The following GPR158 variants were observed in gnomAD, a reference collection of about 807,000 sequenced individuals.
The protein encoded by GPR158 is G protein-coupled receptor 158.
A neutral mutation model predicts 78.2 loss-of-function variants in GPR158; 30 were observed. That is an observed-to-expected ratio of 0.38 (90% CI 0.29 to 0.52). GPR158 has a LOEUF of 0.52. GPR158 is among the 20% of genes least tolerant of loss of function. The pLI is 0.83. For missense variants in GPR158, 1,463 were observed against 1,523.5 expected (o/e 0.96, Z 0.66); for synonymous variants, 581 against 591.1 (o/e 0.98, Z 0.25).
At chr10:25,191,698 A>C (rs1028637424) in intron 1 of GPR158, among the ~76,000 whole-genome samples, 2 of 152,216 alleles carry the variant, frequency 1.3e-5, no homozygotes, top group Non-Finnish European at 2.9e-5. Flanking sequence ...ATTTGGTTAC[A>C]GGCCATTCTG....
In GPR158 at chr10:25,495,295, C is replaced by CTTTTTTTTTTTTTTTT. The variant is rs71399976; in HGVS notation, c.1404+28581_1404+28596dup. Among the ~76,000 whole-genome samples, 57 of 91,090 alleles carry CTTTTTTTTTTTTTTTT rather than the reference C, an allele frequency of 6.3e-4. 2 individuals are homozygous for CTTTTTTTTTTTTTTTT. The highest frequency in any genetic ancestry group is 8.7e-4 in the South Asian group (2 of 2,294). 59.8% of individuals were successfully genotyped at this position (91,090 alleles called of 152,430 possible). A position where few individuals can be genotyped will look rare whatever the true frequency, so the allele number is the denominator to read the frequency against. On this transcript the variant is annotated intron_variant, in intron 5 of 10. Transcript: ENST00000376351. ...TATTTTAAGCTATCATTCTTTTCTG[C>CTTTTTTTTTTTTTTTT]TTTTTTTTTTTTTTTTTTTTGAGAC...
chr10:25,542,901 A>G (rs894826523), intron 5 of GPR158, among the ~76,000 whole-genome samples: 1 of 150,998 alleles, frequency 6.6e-6, no homozygotes, highest in African/African-American at 2.4e-5. Context: ...ATATTTCTCT[A>G]TTTCTCCCCT....
At chr10:25,515,739 T>C (rs1320044245) in intron 5 of GPR158, among the ~76,000 whole-genome samples, 2 of 147,474 alleles carry the variant, frequency 1.4e-5, no homozygotes, top group African/African-American at 5.0e-5. Context: ...ATGGTGTATA[T>C]GTGCCACATT....
chr10:25,570,821 GCAGGAGAATAATCGCTTGAACC>G (rs1836995981), intron 6 of GPR158, among the ~76,000 whole-genome samples: 1 of 152,116 alleles, frequency 6.6e-6, no homozygotes, highest in Admixed American at 6.6e-5. Context: ...GGAGGCTGAG[GCAGGAGAATAATCGCTTGAACC>G]CAGGAGGTGG....
At chr10:25,385,276 G>A (rs1423029102) in intron 2 of GPR158, among the ~76,000 whole-genome samples, 1 of 152,146 alleles carries the variant, frequency 6.6e-6, no homozygotes, top group African/African-American at 2.4e-5. Context: ...GTTCAACCAT[G>A]TTGAAGCAGA....
chr10:25,487,611 T>C (rs1210311020), intron 5 of GPR158, among the ~76,000 whole-genome samples: 1 of 152,144 alleles, frequency 6.6e-6, no homozygotes, highest in East Asian at 1.9e-4. Context: ...TCATTTCACC[T>C]CTTTGGACCT....
intron 2 of GPR158, among the ~76,000 whole-genome samples, chr10:25,279,472 C>G (rs1702240123): frequency 6.6e-6 from 1 of 151,308 alleles, no homozygotes; most frequent in African/African-American, 2.4e-5. Flanking sequence ...GAGCCCTGAA[C>G]AAAGAATCAA....
At chr10:25,283,436 T>C (rs1016701124) in intron 2 of GPR158, among the ~76,000 whole-genome samples, 1 of 152,040 alleles carries the variant, frequency 6.6e-6, no homozygotes, top group Non-Finnish European at 1.5e-5. Flanking sequence ...TGCAAATTCT[T>C]TTTTGTGAAA....
At chr10:25,323,427 A>G (rs1034736700) in intron 2 of GPR158, among the ~76,000 whole-genome samples, 2 of 152,146 alleles carry the variant, frequency 1.3e-5, no homozygotes, top group African/African-American at 4.8e-5. Context: ...CTCTCTAGCT[A>G]TGAAAGGCCC....
intron 6 of GPR158, 73 bp from the exon 7 acceptor site, chr10:25,572,576 A>AAAAT (rs1003610663): frequency 1.5e-5 from 15 of 996,576 alleles, no homozygotes; most frequent in Non-Finnish European, 2.4e-5. Context: ...TTTACCTAGA[A>AAAAT]AAATAAGTTA....
intron 2 of GPR158, among the ~76,000 whole-genome samples, chr10:25,316,806 C>A (rs1242696962): frequency 6.6e-6 from 1 of 151,802 alleles, no homozygotes; most frequent in Non-Finnish European, 1.5e-5. Context: ...TGTCTCAGCA[C>A]ACAGTTTGGG....
At chr10:25,357,991 A>T (rs34823294) in intron 2 of GPR158, among the ~76,000 whole-genome samples, 1 of 152,036 alleles carries the variant, frequency 6.6e-6, no homozygotes, top group Non-Finnish European at 1.5e-5. Flanking sequence ...ACCATGGGAA[A>T]CCAGCTCTTG....
rs371211813 is a variant in GPR158 at position 25,470,522 on chromosome 10, T to C, written c.1404+3803T>C. Among the ~76,000 whole-genome samples the C allele has an allele frequency of 9.0e-4, 137 of 152,224 alleles. 3 individuals carry two copies. The South Asian group carries it at 0.024, about 27-fold the overall frequency. On this transcript the variant is annotated intron_variant, in intron 5 of 10. Transcript: ENST00000376351. ...TGTAAATTACCCAGTCTCAGGTATT[T>C]TGTTGTTATAGCAGCACAAACAGAC...
chr10:25,240,379 C>T (rs2130705490), intron 2 of GPR158, among the ~76,000 whole-genome samples: 1 of 152,180 alleles, frequency 6.6e-6, no homozygotes, highest in East Asian at 1.9e-4. Context: ...CATGGTGGTG[C>T]ACGCCTGTAA....
intron 5 of GPR158, among the ~76,000 whole-genome samples, chr10:25,480,994 G>A (rs1225650572): frequency 2.0e-5 from 3 of 152,094 alleles, no homozygotes; most frequent in African/African-American, 4.8e-5. Flanking sequence ...AACCTCAATC[G>A]GGAGAAAAAT....
At chr10:25,373,871 A>G (rs1001203640) in intron 2 of GPR158, among the ~76,000 whole-genome samples, 4 of 151,760 alleles carry the variant, frequency 2.6e-5, no homozygotes, top group Admixed American at 6.6e-5. Flanking sequence ...TATAAATCCA[A>G]TTTATACACT....
At chr10:25,313,911 T>C (rs541904361) in intron 2 of GPR158, among the ~76,000 whole-genome samples, 1 of 152,314 alleles carries the variant, frequency 6.6e-6, no homozygotes, top group East Asian at 1.9e-4. Flanking sequence ...ATTGGGATGA[T>C]CCGGTCTTTA....
intron 2 of GPR158, among the ~76,000 whole-genome samples, chr10:25,227,603 A>G (rs1240841098): frequency 1.3e-5 from 2 of 152,188 alleles, no homozygotes; most frequent in Admixed American, 1.3e-4. Flanking sequence ...TTAATAAGGT[A>G]TAGGCTATTT....
intron 2 of GPR158, among the ~76,000 whole-genome samples, chr10:25,288,296 G>C (rs1854382064): frequency 6.6e-6 from 1 of 152,134 alleles, no homozygotes; most frequent in South Asian, 2.1e-4. Context: ...ATAAAAGGGT[G>C]ATTAATCAGG....
Sources: gnomAD v4.1 joint callset for allele counts (sites outside exome capture counted in the v4.1 genomes callset) on GRCh38, gnomAD v4.1.1 for gene constraint, MANE v1.5 for transcripts, NCBI Gene and HGNC (gene_info 2026-07-23, HGNC 2026-07-21) for gene names.